ELP4: variants seen among roughly 807,000 people sequenced by gnomAD.
ELP4 encodes the protein elongator acetyltransferase complex subunit 4.
In ELP4, 51 loss-of-function variants were observed where a neutral mutation model predicts 48.9. That is an observed-to-expected ratio of 1.04 (90% CI 0.83 to 1.32). The LOEUF (loss-of-function observed/expected upper bound fraction) is 1.32, where lower values mean the gene tolerates loss of function less well. Ranked by LOEUF, ELP4 falls within the 40% of genes most tolerant of loss-of-function variation. The pLI is 0.00. For synonymous variants in ELP4, 210 were observed against 189.2 expected, an observed-to-expected ratio of 1.11 and a Z score of -0.90; for missense variants, 519 against 514.6, an observed-to-expected ratio of 1.01 and a Z score of -0.08.
chr11:31,633,592 GA>G (rs1354877639), intron 7 of ELP4: 1 of 151,934 alleles, frequency 6.6e-6, no homozygotes. Flanking sequence ...ATATCATAAG[GA>G]AACTCTTTTC....
chr11:31,532,495 C>A (rs891044576), intron 2 of ELP4, among the ~76,000 whole-genome samples: 1 of 151,986 alleles, frequency 6.6e-6, no homozygotes, highest in African/African-American at 2.4e-5. Context: ...TGTTTATTAT[C>A]CTTCATTACT....
intron 9 of ELP4, among the ~76,000 whole-genome samples, chr11:31,747,732 T>C (rs1439850119): frequency 3.3e-5 from 5 of 152,234 alleles, no homozygotes. Flanking sequence ...GTTTTAAATA[T>C]GACTCCAAAT....
chr11:31,650,115 G>T lies in ELP4; in HGVS notation c.1037G>T (p.Gly346Val), dbSNP rs984654481. 4 of 1,296,300 alleles carry T rather than the reference G, an allele frequency of 3.1e-6. No homozygotes were observed. Among genetic ancestry groups the T allele is most frequent in the Non-Finnish European group, 4.4e-6 (4 of 906,766 alleles). The allele number at this position is 1,296,300 out of a possible 1,614,324, so 80.3% of individuals were successfully genotyped here. The change falls in exon 9 of 10, where the codon GGA becomes GTA. Residue 346 changes from glycine (G) to valine (V), a missense_variant and splice_region_variant. Coordinates refer to ENST00000640961, the MANE Select transcript of ELP4 (RefSeq NM_019040.5). ...ETNPLYKDYH[G>V]LIHIRQIPRL... is the part of the protein sequence containing the mutation. Reference sequence around the variant, plus strand: ...TTTCTTTTAATTTCTTTTCCACAAGGATTGATTCATATACGGCAGATTCCT... The same window carrying T: ...TTTCTTTTAATTTCTTTTCCACAAGTATTGATTCATATACGGCAGATTCCT...
Position 31,735,736 on chromosome 11 carries a change from G to C in ELP4, c.1144-47657G>C, listed in dbSNP as rs192930115. Among the ~76,000 whole-genome samples, 858 of 152,228 alleles carry C rather than the reference G, an allele frequency of 5.6e-3. 10 individuals are homozygous for C. The highest frequency in any genetic ancestry group is 0.02 in the African/African-American group (827 of 41,534). On this transcript the variant is annotated intron_variant, in intron 9 of 9. Coordinates refer to ENST00000640961, the MANE Select transcript of ELP4 (RefSeq NM_019040.5). ...AACTCCCATTCACAATTGCTTCAAA[G>C]AGAATAAAATACCTAGGAATCCAAC... is the stretch of plus-strand genomic sequence containing the variant.
chr11:31,753,874 A>G (rs1241621428), intron 9 of ELP4, among the ~76,000 whole-genome samples: 1 of 152,162 alleles, frequency 6.6e-6, no homozygotes, highest in East Asian at 1.9e-4. Context: ...TAGATGTCAA[A>G]TTTACTTCAG....
At chr11:31,782,510 A>C (rs1948400176) in intron 9 of ELP4, among the ~76,000 whole-genome samples, 1 of 152,214 alleles carries the variant, frequency 6.6e-6, no homozygotes, top group Admixed American at 6.5e-5. Flanking sequence ...TATGAAATAA[A>C]TTTTGCGAGC....
chr11:31,743,029 A>G (rs1477331920), intron 9 of ELP4, among the ~76,000 whole-genome samples: 1 of 152,210 alleles, frequency 6.6e-6, no homozygotes, highest in African/African-American at 2.4e-5. Context: ...AGACACACAT[A>G]GGCTCAAAAT....
chr11:31,711,208 A>T (rs1252242261), intron 9 of ELP4, among the ~76,000 whole-genome samples: 1 of 152,248 alleles, frequency 6.6e-6, no homozygotes, highest in Non-Finnish European at 1.5e-5. Context: ...AGGTTCCATA[A>T]AACCTAGAGG....
chr11:31,648,008 A>G, intron 8 of ELP4, 159 bp downstream of exon 8: 1 of 536,252 alleles, frequency 1.9e-6, no homozygotes, highest in South Asian at 2.2e-5. Flanking sequence ...ATGGCAGCTT[A>G]TTACCCAACT....
chr11:31,764,808 T>C (rs2134259626), intron 9 of ELP4, among the ~76,000 whole-genome samples: 1 of 152,280 alleles, frequency 6.6e-6, no homozygotes, highest in South Asian at 2.1e-4. Flanking sequence ...ATACTAAAAC[T>C]CCCCACAGGT....
At chr11:31,672,957 G>T (rs752207150) in intron 9 of ELP4, among the ~76,000 whole-genome samples, 1 of 152,124 alleles carries the variant, frequency 6.6e-6, no homozygotes, top group Non-Finnish European at 1.5e-5. Flanking sequence ...GTAAAACTTG[G>T]AAATTAATAA....
chr11:31,678,755 C>A (rs750097289), intron 9 of ELP4, among the ~76,000 whole-genome samples: 11 of 152,056 alleles, frequency 7.2e-5, no homozygotes, highest in Non-Finnish European at 1.3e-4. Flanking sequence ...CATAAGTTTT[C>A]AACTCATTGG....
intron 3 of ELP4, among the ~76,000 whole-genome samples, chr11:31,547,685 A>G (rs1225239880): frequency 6.6e-6 from 1 of 152,172 alleles, no homozygotes; most frequent in East Asian, 1.9e-4. Context: ...CACAACCAAA[A>G]AAGAGAATTT....
At chr11:31,748,813 G>A (rs1947654866) in intron 9 of ELP4, among the ~76,000 whole-genome samples, 1 of 151,992 alleles carries the variant, frequency 6.6e-6, no homozygotes, top group African/African-American at 2.4e-5. Flanking sequence ...AGACCAGCCT[G>A]GTGGACATAG....
intron 9 of ELP4, among the ~76,000 whole-genome samples, chr11:31,678,924 T>C (rs546750393): frequency 1.3e-5 from 2 of 152,284 alleles, no homozygotes; most frequent in African/African-American, 4.8e-5. Flanking sequence ...CATTTGGTGT[T>C]ATCAGTGTTT....
intron 3 of ELP4, among the ~76,000 whole-genome samples, chr11:31,546,796 C>T (rs1369710485): frequency 1.3e-5 from 2 of 152,100 alleles, no homozygotes; most frequent in Non-Finnish European, 2.9e-5. Flanking sequence ...TCTCAGACCA[C>T]AGTGCAATCA....
intron 9 of ELP4, among the ~76,000 whole-genome samples, chr11:31,725,009 C>T (rs1947046083): frequency 6.6e-6 from 1 of 152,168 alleles, no homozygotes; most frequent in African/African-American, 2.4e-5. Flanking sequence ...GTTCTCCCTC[C>T]TCTTTGCAAG....
intron 9 of ELP4, chr11:31,681,804 C>T (rs10767903): frequency 0.63 from 118,279 of 186,394 alleles, 41,836 homozygotes; most frequent in Non-Finnish European, 0.76. Flanking sequence ...TGCAGTGGCA[C>T]GATCTCGGCT....
intron 3 of ELP4, among the ~76,000 whole-genome samples, chr11:31,545,386 G>A (rs1038715628): frequency 3.9e-5 from 6 of 152,122 alleles, no homozygotes; most frequent in Non-Finnish European, 5.9e-5. Context: ...GGGTATCAGC[G>A]ATGGAAGATG....
Sources: gnomAD v4.1 joint callset for allele counts (sites outside exome capture counted in the v4.1 genomes callset) on GRCh38, gnomAD v4.1.1 for gene constraint, MANE v1.5 for transcripts, NCBI Gene and HGNC (gene_info 2026-07-23, HGNC 2026-07-21) for gene names.